RARG: variants seen among roughly 807,000 people sequenced by gnomAD.
The protein encoded by RARG is retinoic acid receptor gamma, also known as RAR-gamma.
RARG carries 17 observed loss-of-function variants against 43.7 expected under a neutral mutation model. The ratio of observed to expected loss-of-function variants is 0.39; its 90% CI spans 0.27 to 0.58. RARG has a LOEUF of 0.58. RARG is among the 20% of genes least tolerant of loss of function. The pLI, the probability that RARG is intolerant of heterozygous loss-of-function variation, is 0.57. For missense variants in RARG, 346 were observed against 598.7 expected (o/e 0.58, Z 4.40); for synonymous variants, 238 against 236.4 (o/e 1.01, Z -0.06).
chr12:53,221,729 C>A (rs11170485), intron 3 of RARG, among the ~76,000 whole-genome samples: 6 of 151,130 alleles, frequency 4.0e-5, no homozygotes, highest in Admixed American at 2.6e-4. Context: ...CCCGGAAATC[C>A]CCCCCTCCCC....
chr12:53,215,217 G>A lies in RARG; in HGVS notation c.475+76C>T. On this transcript the variant is annotated intron_variant, in intron 5 of 9. Coordinates refer to ENST00000425354, the MANE Select transcript of RARG (RefSeq NM_000966.6). The surrounding 1 kb of genome is among the most constrained non-coding windows in gnomAD (Gnocchi z 6.4). ...AGTCTCAGAGGTCAGGGAAGTGGGA[G>A]TGGCCAGAGGAAAGAGGGCCACAGC... 2.6e-6 allele frequency: 4 copies of A among 1,555,690 alleles called. No homozygotes were observed. Among genetic ancestry groups the A allele is most frequent in the South Asian group, 2.4e-5 (2 of 82,664 alleles).
rs537358169 is a variant in RARG, at chr12:53,215,919, AGT to A, written c.185-127_185-126del. 1.1e-4 allele frequency: 117 copies of A among 1,035,178 alleles called. No individual in the cohort carries two copies. The African/African-American group carries it at 1.3e-3, about 11-fold the overall frequency. The allele number at this position is 1,035,178 out of a possible 1,614,324, so 64.1% of individuals were successfully genotyped here. Reference sequence around the variant, plus strand: ...CACTGGTGACAGCCATCACTACCACAGTGCACTAGTTCCAGCAGTAAGCACTG... The same window carrying A: ...CACTGGTGACAGCCATCACTACCACAGCACTAGTTCCAGCAGTAAGCACTG... On this transcript the variant is annotated intron_variant, in intron 3 of 9. Transcript: ENST00000425354. The surrounding 1 kb of genome is among the most constrained non-coding windows in gnomAD (Gnocchi z 6.4).
chr12:53,217,717 C>T (rs1358250897), intron 3 of RARG, among the ~76,000 whole-genome samples: 1 of 152,336 alleles, frequency 6.6e-6, no homozygotes, highest in East Asian at 1.9e-4. Flanking sequence ...TGGGATGCAG[C>T]TCCTGGGTTA....
chr12:53,231,610 G>A (rs928811217), intron 1 of RARG: 1 of 153,382 alleles, frequency 6.5e-6, no homozygotes, highest in African/African-American at 2.4e-5. Context: ...AGAGCCCGGG[G>A]GTAAGGGGGT....
intron 3 of RARG, among the ~76,000 whole-genome samples, chr12:53,225,551 G>A (rs1335856501): frequency 3.3e-5 from 5 of 152,180 alleles, no homozygotes; most frequent in South Asian, 2.1e-4. Context: ...GAAGCAGGGC[G>A]CCTTCTCTTC....
At chr12:53,217,860 TA>T (rs1441792525) in intron 3 of RARG, among the ~76,000 whole-genome samples, 4 of 152,168 alleles carry the variant, frequency 2.6e-5, no homozygotes, top group African/African-American at 9.7e-5. Context: ...TAACCGGCTG[TA>T]AACGCTCCCA....
intron 9 of RARG, among the ~76,000 whole-genome samples, chr12:53,212,584 C>T (rs1942622639): frequency 6.6e-6 from 1 of 152,154 alleles, no homozygotes. Flanking sequence ...GCTGGAACTA[C>T]AGATGTGCAC....
At chr12:53,219,126 C>T (rs139606218) in intron 3 of RARG, among the ~76,000 whole-genome samples, 26 of 152,278 alleles carry the variant, frequency 1.7e-4, no homozygotes, top group African/African-American at 6.3e-4. Context: ...TAATGGTGCT[C>T]GCCCTGCCGC....
chr12:53,219,696 T>C (rs777710137), intron 3 of RARG, among the ~76,000 whole-genome samples: 4 of 152,158 alleles, frequency 2.6e-5, no homozygotes, highest in Non-Finnish European at 4.4e-5. Context: ...GGTCTCTCCC[T>C]ATCCCCAGGA....
At chr12:53,219,500 A>G (rs1286926648) in intron 3 of RARG, among the ~76,000 whole-genome samples, 2 of 152,034 alleles carry the variant, frequency 1.3e-5, no homozygotes, top group African/African-American at 2.4e-5. Context: ...TGGTGGAGAG[A>G]CCCTTGCTCC....
chr12:53,229,787 A>T (rs1194510773), intron 2 of RARG: 1 of 263,010 alleles, frequency 3.8e-6, no homozygotes, highest in African/African-American at 2.3e-5. Context: ...GACTTGGCTT[A>T]GACTGGGAAC....
rs1401138990 is a variant in RARG at position 53,213,380 on chromosome 12, G to C, written c.1018+116C>G. The C allele has an allele frequency of 6.7e-7, 1 of 1,487,350 alleles. No homozygotes were observed. The highest frequency in any genetic ancestry group is 1.4e-5 in the African/African-American group (1 of 72,122). 92.1% of individuals were successfully genotyped at this position (1,487,350 alleles called of 1,614,324 possible). A position where few individuals can be genotyped will look rare whatever the true frequency, so the allele number is the denominator to read the frequency against. ...ACTCTCTGGATGGGGCCAGGTGCAAGAATTACCAGCAGAAGAGACCACTGG... is the reference window on the plus strand; with the variant it reads ...ACTCTCTGGATGGGGCCAGGTGCAACAATTACCAGCAGAAGAGACCACTGG... On this transcript the variant is annotated intron_variant, in intron 8 of 9. Transcript: ENST00000425354. The surrounding 1 kb of genome is among the most constrained non-coding windows in gnomAD (Gnocchi z 4.7).
chr12:53,222,268 AAAGG>A (rs1942992849), intron 3 of RARG, among the ~76,000 whole-genome samples: 2 of 150,228 alleles, frequency 1.3e-5, no homozygotes, highest in Non-Finnish European at 2.9e-5. Flanking sequence ...GAAGAAAGAA[AAAGG>A]AAGAAAGAGA....
chr12:53,212,737 TACACACACAC>T lies in RARG; in HGVS notation c.1177+338_1177+347del, dbSNP rs1160084920. On this transcript the variant is annotated intron_variant, in intron 9 of 9. Transcript: ENST00000425354. ...AAGACTTTGTCTCTAAATATATATA[TACACACACAC>T]ACACACACACACACACACACACACA... Among the ~76,000 whole-genome samples the T allele has an allele frequency of 5.9e-3, 794 of 133,758 alleles. 6 individuals are homozygous for T. The highest frequency in any genetic ancestry group is 0.022 in the African/African-American group (741 of 34,022). The allele number at this position is 133,758 out of a possible 152,430, so 87.8% of individuals were successfully genotyped here.
chr12:53,220,194 G>C (rs767309075), intron 3 of RARG: 8 of 1,548,912 alleles, frequency 5.2e-6, no homozygotes, highest in Admixed American at 2.0e-5. Context: ...GCTCCAGCAG[G>C]GGGGGAGGGG....
At position 53,215,757 on chromosome 12, in the gene RARG, C is replaced by T; in HGVS notation, c.222G>A (p.Val74=). 1 of 1,612,674 alleles carries T rather than the reference C, an allele frequency of 6.2e-7. No individual in the cohort carries two copies. The highest frequency in any genetic ancestry group is 8.5e-7 in the Non-Finnish European group (1 of 1,179,608). The change falls in exon 4 of 10, where the codon GTG becomes GTA. Residue 74 remains valine (V), a synonymous_variant. Transcript: ENST00000425354. This position sits in a 1 kb window ranked among gnomAD's most constrained non-coding sequence, Gnocchi z 6.4. ...GCGGAGGGGGCGAGGGCGAGCTGGGCACCATCTCCTCTGAGCTGGTGCTCT... is the reference window on the plus strand; with the variant it reads ...GCGGAGGGGGCGAGGGCGAGCTGGGTACCATCTCCTCTGAGCTGGTGCTCT... The part of the protein sequence containing the change: ...ETQSTSSEEM[V]PSSPSPPPPP...
At chr12:53,219,884 A>G in intron 3 of RARG, 3 of 1,366,892 alleles carry the variant, frequency 2.2e-6, no homozygotes, top group Non-Finnish European at 2.9e-6. Flanking sequence ...CACTCTTTAC[A>G]CACGGAAAGA....
chr12:53,216,975 A>G (rs745482114), intron 3 of RARG, among the ~76,000 whole-genome samples: 1 of 151,924 alleles, frequency 6.6e-6, no homozygotes, highest in Admixed American at 6.6e-5. Flanking sequence ...GACCCTCCCT[A>G]AGGTGTGTCC....
chr12:53,220,339 C>G lies in RARG; in HGVS notation c.185-4545G>C, dbSNP rs538608871. The G allele has an allele frequency of 2.1e-5, 28 of 1,332,748 alleles. No individual in the cohort carries two copies. In the Admixed American group the frequency reaches 9.6e-4, roughly 46 times the overall value. 82.6% of individuals were successfully genotyped at this position (1,332,748 alleles called of 1,614,324 possible). A position where few individuals can be genotyped will look rare whatever the true frequency, so the allele number is the denominator to read the frequency against. On this transcript the variant is annotated intron_variant, in intron 3 of 9. Coordinates refer to ENST00000425354, the MANE Select transcript of RARG (RefSeq NM_000966.6). ...GCTTTAGCCTCCGTCCAGCTCTTATCTGGGTGCTTCGGCAGCTAGCACTGG... is the reference window on the plus strand; with the variant it reads ...GCTTTAGCCTCCGTCCAGCTCTTATGTGGGTGCTTCGGCAGCTAGCACTGG...
Sources: allele counts gnomAD v4.1 joint callset (sites outside exome capture counted in the v4.1 genomes callset), GRCh38; gene constraint gnomAD v4.1.1; non-coding constraint Gnocchi (gnomAD v3.1); transcripts MANE v1.5; gene names NCBI Gene and HGNC (gene_info 2026-07-23, HGNC 2026-07-21).